Variants in SLC9A9 observed in about 807,000 individuals in gnomAD.
SLC9A9 encodes solute carrier family 9 member A9.
Under a neutral mutation model 77.8 loss-of-function variants are expected in SLC9A9, and 62 were observed. The ratio of observed to expected loss-of-function variants is 0.80; its 90% CI spans 0.65 to 0.98. The LOEUF (loss-of-function observed/expected upper bound fraction) is 0.98. Ranked by LOEUF, SLC9A9 falls within the 50% of genes least tolerant of loss-of-function variation. The pLI, the probability that SLC9A9 is intolerant of heterozygous loss-of-function variation, is 0.00. For missense variants in SLC9A9, 775 were observed against 774.9 expected (o/e 1.00, Z 0.00); for synonymous variants, 320 against 283.5 (o/e 1.13, Z -1.29).
At chr3:143,639,348 C>T (rs1186787821) in intron 6 of SLC9A9, among the ~76,000 whole-genome samples, 3 of 152,198 alleles carry the variant, frequency 2.0e-5, no homozygotes, top group Non-Finnish European at 4.4e-5. Context: ...CAGCCTGATG[C>T]CTAGCTATCA....
chr3:143,643,169 G>A (rs2038650446), intron 6 of SLC9A9, among the ~76,000 whole-genome samples: 2 of 152,112 alleles, frequency 1.3e-5, no homozygotes, highest in South Asian at 2.1e-4. Context: ...GGATGTGAAA[G>A]TATCACCTCA....
chr3:143,796,301 T>A (rs1662368258), intron 3 of SLC9A9, among the ~76,000 whole-genome samples: 1 of 147,832 alleles, frequency 6.8e-6, no homozygotes, highest in Admixed American at 7.0e-5. Flanking sequence ...TCAATGTTAA[T>A]TAATAACCAA....
At chr3:143,652,924 A>G (rs969212045) in intron 5 of SLC9A9, among the ~76,000 whole-genome samples, 3 of 152,102 alleles carry the variant, frequency 2.0e-5, no homozygotes, top group African/African-American at 7.2e-5. Context: ...TCTGGATCCC[A>G]GCATTTGGAT....
chr3:143,848,009 G>C (rs2009865164), intron 1 of SLC9A9, 139 bp downstream of exon 1: 1 of 896,854 alleles, frequency 1.1e-6, no homozygotes, highest in African/African-American at 1.7e-5. Flanking sequence ...CATTCGTTAC[G>C]CTGCAGCACC....
At chr3:143,517,575 C>T (rs1215490786) in intron 9 of SLC9A9, 1 of 1,597,456 alleles carries the variant, frequency 6.3e-7, no homozygotes. Context: ...TTCAGCATTG[C>T]ACTAGCATCT....
chr3:143,480,558 GCTGGTTAACCCTATCCCAT>G (rs2035556201), intron 11 of SLC9A9, among the ~76,000 whole-genome samples: 1 of 152,124 alleles, frequency 6.6e-6, no homozygotes. Context: ...TCCTGCATAA[GCTGGTTAACCCTATCCCAT>G]CTGGAGACCT....
chr3:143,795,195 T>A (rs2008345069), intron 3 of SLC9A9, 118 bp from the exon 4 acceptor site: 7 of 810,378 alleles, frequency 8.6e-6, no homozygotes, highest in Non-Finnish European at 1.4e-5. Flanking sequence ...AATTTTGGTT[T>A]TGGAGCCTCG....
At chr3:143,546,186 C>A (rs893972139) in intron 9 of SLC9A9, among the ~76,000 whole-genome samples, 7 of 152,206 alleles carry the variant, frequency 4.6e-5, no homozygotes, top group Non-Finnish European at 1.0e-4. Context: ...TTTTCAGAGT[C>A]ATGCACAGAA....
At chr3:143,358,367 C>A (rs1173977126) in intron 14 of SLC9A9, among the ~76,000 whole-genome samples, 1 of 152,156 alleles carries the variant, frequency 6.6e-6, no homozygotes, top group Non-Finnish European at 1.5e-5. Context: ...GTCAACTTGC[C>A]AATCCATTGT....
At chr3:143,812,820 C>T (rs897790619) in intron 2 of SLC9A9, among the ~76,000 whole-genome samples, 3 of 152,130 alleles carry the variant, frequency 2.0e-5, no homozygotes, top group Non-Finnish European at 4.4e-5. Flanking sequence ...AACCCAGTGC[C>T]CCATCATTGA....
intron 8 of SLC9A9, among the ~76,000 whole-genome samples, chr3:143,563,824 T>C (rs2037125200): frequency 1.3e-5 from 2 of 152,314 alleles, no homozygotes; most frequent in South Asian, 4.1e-4. Flanking sequence ...ATGTCTGTAA[T>C]ATAAATGGTT....
chr3:143,791,229 A>C (rs1180825609), intron 4 of SLC9A9, among the ~76,000 whole-genome samples: 1 of 152,228 alleles, frequency 6.6e-6, no homozygotes, highest in Non-Finnish European at 1.5e-5. Context: ...GAAATAAAAA[A>C]AGGTTTCTTC....
chr3:143,814,917 G>T (rs1228824286), intron 2 of SLC9A9, among the ~76,000 whole-genome samples: 1 of 152,174 alleles, frequency 6.6e-6, no homozygotes, highest in African/African-American at 2.4e-5. Context: ...GTGATGGCAA[G>T]GTAGGAACAG....
At chr3:143,452,897 G>A (rs2035032794) in intron 12 of SLC9A9, among the ~76,000 whole-genome samples, 2 of 152,016 alleles carry the variant, frequency 1.3e-5, no homozygotes, top group African/African-American at 4.8e-5. Flanking sequence ...GAAGATGCAT[G>A]CTTTAATATT....
At chr3:143,571,320 AT>A (rs1192266191) in intron 8 of SLC9A9, among the ~76,000 whole-genome samples, 3 of 151,890 alleles carry the variant, frequency 2.0e-5, no homozygotes, top group East Asian at 1.9e-4. Flanking sequence ...TGCAGAAATC[AT>A]TTTTTTAAGT....
intron 4 of SLC9A9, among the ~76,000 whole-genome samples, chr3:143,711,450 C>A (rs116688976): frequency 0.014 from 2,082 of 152,144 alleles, 22 homozygotes; most frequent in Non-Finnish European, 0.021. Context: ...CTCACTCTGT[C>A]ACTTAGGCTG....
At chr3:143,356,575 C>T (rs1366660269) in intron 14 of SLC9A9, among the ~76,000 whole-genome samples, 1 of 152,146 alleles carries the variant, frequency 6.6e-6, no homozygotes, top group African/African-American at 2.4e-5. Context: ...AGCTGGAAGG[C>T]AGTGGCAAAA....
In SLC9A9 at chr3:143,750,035, G is replaced by A. The variant is rs1008397286; in HGVS notation, c.533+44966C>T. 2.0e-5 allele frequency among the ~76,000 whole-genome samples: 3 copies of A among 152,050 alleles called. No homozygotes were observed. The East Asian group carries it at 5.8e-4, about 29-fold the overall frequency. On this transcript the variant is annotated intron_variant, in intron 4 of 15. Transcript: ENST00000316549. ...CTCCATGATCCTTATTTGCGAATAGGTTTATCATTGTAAAAATAAAAGCTC... is the reference window on the plus strand; with the variant it reads ...CTCCATGATCCTTATTTGCGAATAGATTTATCATTGTAAAAATAAAAGCTC...
At chr3:143,339,419 C>A (rs531560708) in intron 14 of SLC9A9, among the ~76,000 whole-genome samples, 2 of 152,254 alleles carry the variant, frequency 1.3e-5, no homozygotes, top group Admixed American at 6.5e-5. Context: ...TGCTTACCTA[C>A]CCAGCTCAAG....
Sources: allele counts gnomAD v4.1 joint callset (sites outside exome capture counted in the v4.1 genomes callset), GRCh38; gene constraint gnomAD v4.1.1; transcripts MANE v1.5; gene names NCBI Gene and HGNC (gene_info 2026-07-23, HGNC 2026-07-21).